Variants in SGMS1 observed in about 807,000 individuals in gnomAD.
SGMS1 encodes sphingomyelin synthase 1.
SGMS1 carries 13 observed loss-of-function variants against 46.2 expected under a neutral mutation model. The ratio of observed to expected loss-of-function variants is 0.28; its 90% CI spans 0.18 to 0.45. The LOEUF is 0.45. Among genes scored for constraint, SGMS1 ranks in the 20% least tolerant of loss-of-function variants. SGMS1 has a pLI of 1.00. For missense variants in SGMS1, 324 were observed against 519.9 expected (o/e 0.62, Z 3.66); for synonymous variants, 203 against 187.8 (o/e 1.08, Z -0.66).
chr10:50,403,699 A>C (rs1391811752), intron 6 of SGMS1, among the ~76,000 whole-genome samples: 1 of 150,912 alleles, frequency 6.6e-6, no homozygotes, highest in Non-Finnish European at 1.5e-5. Context: ...AAGAGGCTCA[A>C]TACACTGATG....
intron 3 of SGMS1, among the ~76,000 whole-genome samples, chr10:50,475,952 C>A (rs2983367): frequency 6.6e-6 from 1 of 151,674 alleles, no homozygotes; most frequent in Non-Finnish European, 1.5e-5. Context: ...CAAGAACAGA[C>A]TAATACAGAA....
intron 2 of SGMS1, among the ~76,000 whole-genome samples, chr10:50,545,799 G>C (rs141738235): frequency 1.3e-5 from 2 of 152,098 alleles, no homozygotes; most frequent in African/African-American, 4.8e-5. Context: ...CTCGGCAAGA[G>C]AGGACTGTTC....
Position 50,343,963 on chromosome 10 carries a change from C to A in SGMS1, c.152G>T (p.Arg51Leu). The A allele has an allele frequency of 2.5e-6, 4 of 1,614,136 alleles. No homozygotes were observed. The highest frequency in any genetic ancestry group is 3.4e-6 in the Non-Finnish European group (4 of 1,180,036). ...CCGCTGCCCATTGTCAGAGGAGACTCGGCACAAGGGGGGTTTTTTGAAATC... is the reference window on the plus strand; with the variant it reads ...CCGCTGCCCATTGTCAGAGGAGACTAGGCACAAGGGGGGTTTTTTGAAATC... ...QEDFKKPPLCRVSSDNGQRLL... is the reference protein window; with the variant it reads ...QEDFKKPPLCLVSSDNGQRLL... Residue 51 changes from arginine to leucine, a missense_variant, in exon 7 of 11, where the codon CGA becomes CTA. Transcript: ENST00000361781.
intron 1 of SGMS1, among the ~76,000 whole-genome samples, chr10:50,595,689 C>T (rs1416105366): frequency 6.6e-6 from 1 of 152,188 alleles, no homozygotes; most frequent in East Asian, 1.9e-4. Context: ...ATAAAACCAT[C>T]TAATTTCAGG....
intron 5 of SGMS1, among the ~76,000 whole-genome samples, chr10:50,453,826 A>AG (rs1201109193): frequency 6.0e-5 from 1 of 16,656 alleles, no homozygotes; most frequent in African/African-American, 2.2e-4. Flanking sequence ...GAAGGGAGGG[A>AG]GGGAGGGGAG....
intron 3 of SGMS1, among the ~76,000 whole-genome samples, chr10:50,493,923 G>C (rs993192395): frequency 1.3e-5 from 2 of 152,098 alleles, no homozygotes; most frequent in African/African-American, 4.8e-5. Context: ...TCAGCGTCCC[G>C]TGTAACTGGA....
intron 6 of SGMS1, among the ~76,000 whole-genome samples, chr10:50,388,307 TA>T (rs1848711552): frequency 6.6e-6 from 1 of 151,936 alleles, no homozygotes; most frequent in African/African-American, 2.4e-5. Context: ...ACAATTTAAT[TA>T]AATATTTAAA....
chr10:50,467,298 G>A (rs1262559549), intron 3 of SGMS1, among the ~76,000 whole-genome samples: 3 of 152,028 alleles, frequency 2.0e-5, no homozygotes, highest in East Asian at 1.9e-4. Flanking sequence ...GCAAGAAAGC[G>A]TATTTTTCAA....
At chr10:50,454,050 CAAAAAAA>C (rs71846628) in intron 5 of SGMS1, among the ~76,000 whole-genome samples, 8 of 98,016 alleles carry the variant, frequency 8.2e-5, no homozygotes, top group Non-Finnish European at 1.4e-4. Context: ...TTTACATAGG[CAAAAAAA>C]AAAAAAAAAA....
chr10:50,392,018 C>A (rs1477012557), intron 6 of SGMS1, among the ~76,000 whole-genome samples: 1 of 151,782 alleles, frequency 6.6e-6, no homozygotes, highest in Non-Finnish European at 1.5e-5. Flanking sequence ...ACAACAGACA[C>A]CAGGGCCTAC....
intron 1 of SGMS1, among the ~76,000 whole-genome samples, chr10:50,603,142 A>T (rs1015817047): frequency 2.0e-5 from 3 of 152,212 alleles, no homozygotes; most frequent in Non-Finnish European, 4.4e-5. Context: ...CCTAATAATA[A>T]CCACTACCAT....
intron 2 of SGMS1, among the ~76,000 whole-genome samples, chr10:50,558,993 TG>T (rs569215674): frequency 7.2e-4 from 109 of 151,764 alleles, no homozygotes; most frequent in Non-Finnish European, 1.5e-3. Context: ...CTGTGAGGGG[TG>T]GGGGTGCCTC....
At chr10:50,325,718 C>T (rs2217899) in intron 8 of SGMS1, among the ~76,000 whole-genome samples, 33,628 of 152,074 alleles carry the variant, frequency 0.22, 3,835 homozygotes, top group East Asian at 0.31. Flanking sequence ...CTACATGGTA[C>T]GGCCCCTCAA....
intron 3 of SGMS1, among the ~76,000 whole-genome samples, chr10:50,512,252 C>A (rs1015273789): frequency 7.2e-5 from 11 of 152,114 alleles, no homozygotes; most frequent in Middle Eastern, 3.4e-3. Flanking sequence ...GGAAACAAGA[C>A]TTCTCCATAC....
intron 3 of SGMS1, among the ~76,000 whole-genome samples, chr10:50,499,504 G>T (rs1045134473): frequency 3.3e-4 from 50 of 152,124 alleles, no homozygotes; most frequent in African/African-American, 1.2e-3. Context: ...ACTCCCAGAT[G>T]ACCCTGTTTT....
chr10:50,492,385 A>G (rs1270616159), intron 3 of SGMS1, among the ~76,000 whole-genome samples: 1 of 152,264 alleles, frequency 6.6e-6, no homozygotes, highest in African/African-American at 2.4e-5. Flanking sequence ...TGCAGATGAC[A>G]TGATCCTATA....
At chr10:50,379,611 A>G in intron 6 of SGMS1, among the ~76,000 whole-genome samples, 1 of 152,208 alleles carries the variant, frequency 6.6e-6, no homozygotes, top group East Asian at 1.9e-4. Flanking sequence ...CTTTCAAAAA[A>G]CTAAAGATTA....
chr10:50,425,873 TG>T (rs1292905097), intron 6 of SGMS1, among the ~76,000 whole-genome samples: 2 of 152,240 alleles, frequency 1.3e-5, no homozygotes, highest in Non-Finnish European at 2.9e-5. Context: ...TTTTTTTCCC[TG>T]AACCTGTGGC....
chr10:50,470,274 T>C (rs890229692), intron 3 of SGMS1, among the ~76,000 whole-genome samples: 3 of 152,224 alleles, frequency 2.0e-5, no homozygotes, highest in Non-Finnish European at 4.4e-5. Context: ...TTTCTCATTC[T>C]TACTTGTAAA....
Sources: gnomAD v4.1 joint callset for allele counts (sites outside exome capture counted in the v4.1 genomes callset) on GRCh38, gnomAD v4.1.1 for gene constraint, MANE v1.5 for transcripts, NCBI Gene and HGNC (gene_info 2026-07-23, HGNC 2026-07-21) for gene names.